Variants in FRMD7 observed in about 807,000 individuals in gnomAD.
FRMD7 encodes the protein FERM domain containing 7.
A neutral mutation model predicts 44.1 loss-of-function variants in FRMD7; 14 were observed. The ratio of observed to expected loss-of-function variants is 0.32; its 90% CI spans 0.21 to 0.50. FRMD7 has a LOEUF of 0.50. Among genes scored for constraint, FRMD7 ranks in the 20% least tolerant of loss-of-function variants. The pLI is 0.99. For synonymous variants in FRMD7, 212 were observed against 187.4 expected (o/e 1.13, Z -1.07); for missense variants, 501 against 522.3 (o/e 0.96, Z 0.40).
At chrX:132,081,541 A>G (rs1042256340) in intron 9 of FRMD7, among the ~76,000 whole-genome samples, 4 of 112,660 alleles carry the variant, frequency 3.6e-5, no homozygotes, top group African/African-American at 1.3e-4. Flanking sequence ...AAATATGCTC[A>G]GTATCATCTA....
chrX:132,102,831 C>T (rs922514377), intron 1 of FRMD7, among the ~76,000 whole-genome samples: 1 of 111,800 alleles, frequency 8.9e-6, no homozygotes, highest in African/African-American at 3.2e-5. Context: ...TTAATCCTCC[C>T]TATCAACACT....
At chrX:132,084,822 A>G (rs1569341250) in intron 7 of FRMD7, among the ~76,000 whole-genome samples, 1 of 111,439 alleles carries the variant, frequency 9.0e-6, no homozygotes, top group Non-Finnish European at 1.9e-5. Flanking sequence ...TTTTCTGGCC[A>G]GCACAGGGAG....
At chrX:132,117,941 T>G (rs1928942123) in intron 1 of FRMD7, among the ~76,000 whole-genome samples, 1 of 112,229 alleles carries the variant, frequency 8.9e-6, no homozygotes, top group Non-Finnish European at 1.9e-5. Context: ...TTATTTGGGG[T>G]ACATTTTTGG....
intron 1 of FRMD7, among the ~76,000 whole-genome samples, chrX:132,109,027 G>A (rs185343956): frequency 8.9e-6 from 1 of 111,967 alleles, no homozygotes; most frequent in East Asian, 2.8e-4. Flanking sequence ...CTAGCTATTA[G>A]CATTTGCACC....
intron 1 of FRMD7, among the ~76,000 whole-genome samples, chrX:132,105,042 A>G (rs147420370): frequency 1.4e-4 from 16 of 112,303 alleles, no homozygotes; most frequent in African/African-American, 4.8e-4. Flanking sequence ...TGACAGCAAT[A>G]AAAGATTGAC....
chrX:132,084,467 G>A (rs754878275), intron 8 of FRMD7, 23 bp downstream of exon 8: 14 of 960,625 alleles, frequency 1.5e-5, no homozygotes, highest in African/African-American at 1.3e-4. Flanking sequence ...GAAAGTAAAC[G>A]AATTTATTAG....
chrX:132,085,389 G>A lies in FRMD7; in HGVS notation c.645+192C>T, dbSNP rs151033130. 6.0e-3 allele frequency among the ~76,000 whole-genome samples: 675 copies of A among 111,925 alleles called. 5 individuals are homozygous for A. Among genetic ancestry groups the A allele is most frequent in the African/African-American group, 0.021 (636 of 30,796 alleles). On this transcript the variant is annotated intron_variant, in intron 7 of 11. Coordinates refer to ENST00000298542, the MANE Select transcript of FRMD7 (RefSeq NM_194277.3). The stretch of plus-strand genomic sequence containing the variant: ...TTCTGTCCCCATCTATCCATTCCCT[G>A]CAGTTAACTATGTTTATTAGTTTGT...
At chrX:132,124,520 C>CA (rs1929110005) in intron 1 of FRMD7, among the ~76,000 whole-genome samples, 1 of 111,701 alleles carries the variant, frequency 9.0e-6, no homozygotes, top group Non-Finnish European at 1.9e-5. Flanking sequence ...CATAACCTAT[C>CA]CTGCACCCCT....
intron 5 of FRMD7, among the ~76,000 whole-genome samples, chrX:132,090,907 T>C (rs1423014260): frequency 9.0e-6 from 1 of 110,860 alleles, no homozygotes; most frequent in Non-Finnish European, 1.9e-5. Flanking sequence ...AATGAGTAAA[T>C]AGCTCCAGTA....
chrX:132,096,613 C>T (rs1040332096), intron 4 of FRMD7, among the ~76,000 whole-genome samples: 1 of 101,243 alleles, frequency 9.9e-6, no homozygotes, highest in East Asian at 3.1e-4. Flanking sequence ...TAGTCCTTGG[C>T]GGGAAGCAGG....
intron 7 of FRMD7, among the ~76,000 whole-genome samples, chrX:132,085,284 A>G (rs1289946095): frequency 8.9e-6 from 1 of 111,835 alleles, no homozygotes; most frequent in Non-Finnish European, 1.9e-5. Flanking sequence ...CAGGTAATCT[A>G]TTCGCGTGGT....
chrX:132,116,641 A>G (rs1368086157), intron 1 of FRMD7, among the ~76,000 whole-genome samples: 1 of 111,399 alleles, frequency 9.0e-6, no homozygotes, highest in Non-Finnish European at 1.9e-5. Flanking sequence ...CAGGGAGAGG[A>G]ACAACACACA....
chrX:132,084,650 A>G, intron 7 of FRMD7, 65 bp from the exon 8 acceptor site: 1 of 664,606 alleles, frequency 1.5e-6, no homozygotes, highest in South Asian at 2.2e-5. Context: ...AGACAGTGCA[A>G]ACCTGATAGA....
intron 2 of FRMD7, 36 bp from the exon 3 acceptor site, chrX:132,099,546 G>A: frequency 9.1e-7 from 1 of 1,093,263 alleles, no homozygotes; most frequent in Non-Finnish European, 1.3e-6. Context: ...GGTAGAGCAT[G>A]GCATTGAGCA....
intron 5 of FRMD7, among the ~76,000 whole-genome samples, chrX:132,091,320 C>G (rs923298226): frequency 2.7e-5 from 3 of 110,870 alleles, no homozygotes; most frequent in African/African-American, 9.9e-5. Context: ...TTCTCTTCCT[C>G]TCTTACTGAG....
chrX:132,084,376 A>G (rs1927916438), intron 8 of FRMD7, 114 bp downstream of exon 8: 4 of 540,218 alleles, frequency 7.4e-6, no homozygotes, highest in Non-Finnish European at 1.3e-5. Context: ...GAAAAGACAC[A>G]CCATCACTCA....
Position 132,078,945 on chromosome X carries a change from A to C in FRMD7, c.1072T>G (p.Tyr358Asp), listed in dbSNP as rs770281308. 3 of 1,209,481 alleles carry C rather than the reference A, an allele frequency of 2.5e-6. No individual in the cohort carries two copies. Among genetic ancestry groups the C allele is most frequent in the Non-Finnish European group, 2.2e-6 (2 of 893,659 alleles). ...SKQVEDLRLA[Y>D]GGGYYQNVNG... ...ACATTTTGGTAGTAGCCACCACCAT[A>C]TGCTAGTCTCAAATCTTCCACCTTG... is the stretch of plus-strand genomic sequence containing the variant. Residue 358 changes from tyrosine (Y) to aspartate (D), a missense_variant, in exon 12 of 12, where the codon TAT becomes GAT. Tyr to Asp is a radical substitution (Grantham distance 160). Transcript: ENST00000298542.
chrX:132,077,829 G>A lies in FRMD7; in HGVS notation c.*43C>T, dbSNP rs371318658. 1.2e-5 allele frequency: 14 copies of A among 1,207,799 alleles called. No individual in the cohort carries two copies. Among genetic ancestry groups the A allele is most frequent in the East Asian group, 8.9e-5 (3 of 33,715 alleles). On this transcript the variant is annotated 3_prime_UTR_variant, in exon 12 of 12. Coordinates refer to ENST00000298542, the MANE Select transcript of FRMD7 (RefSeq NM_194277.3). ...AACTTCATTATTTTCTGCCTAAGTC[G>A]GTAACATGGAACTGGCTCAGAAATG...
chrX:132,109,655 G>A (rs1928730300), intron 1 of FRMD7, among the ~76,000 whole-genome samples: 1 of 111,480 alleles, frequency 9.0e-6, no homozygotes, highest in Non-Finnish European at 1.9e-5. Context: ...AGCAGTTTGA[G>A]CTAAGTGATT....
Sources: gnomAD v4.1 joint callset for allele counts (sites outside exome capture counted in the v4.1 genomes callset) on GRCh38, gnomAD v4.1.1 for gene constraint, MANE v1.5 for transcripts, NCBI Gene and HGNC (gene_info 2026-07-23, HGNC 2026-07-21) for gene names.